The following DPP10 variants were observed in gnomAD, a reference collection of about 807,000 sequenced individuals.
DPP10 encodes inactive dipeptidyl peptidase 10.
DPP10 carries 33 observed loss-of-function variants against 120.9 expected under a neutral mutation model. The ratio of observed to expected loss-of-function variants is 0.27; its 90% CI spans 0.21 to 0.37. DPP10 has a LOEUF of 0.37. DPP10 is among the 10% of genes least tolerant of loss of function. The pLI is 1.00. For missense variants in DPP10, 816 were observed against 942.8 expected (o/e 0.87, Z 1.76); for synonymous variants, 337 against 326.1 (o/e 1.03, Z -0.36).
At chr2:114,909,264 G>A (rs539110669) in intron 1 of DPP10, among the ~76,000 whole-genome samples, 1 of 151,854 alleles carries the variant, frequency 6.6e-6, no homozygotes, top group Non-Finnish European at 1.5e-5. Flanking sequence ...AGTACCTATT[G>A]CATTTCTGAT....
Position 115,814,854 on chromosome 2 carries a change from C to T in DPP10, c.1762C>T (p.Leu588Phe). Residue 588 changes from leucine to phenylalanine, a missense_variant, in exon 20 of 26, where the codon CTC becomes TTC. Transcript: ENST00000410059. ...DKFHIDWDSV[L>F]IDMDNVIVAR... ...GTTCCATATTGACTGGGATTCCGTACTCATTGACATGGATAATGTCATTGT... is the reference window on the plus strand; with the variant it reads ...GTTCCATATTGACTGGGATTCCGTATTCATTGACATGGATAATGTCATTGT... The T allele has an allele frequency of 6.2e-7, 1 of 1,606,092 alleles. No homozygotes were observed. Among genetic ancestry groups the T allele is most frequent in the Non-Finnish European group, 8.5e-7 (1 of 1,174,420 alleles).
chr2:115,004,308 A>T (rs1701653013), intron 1 of DPP10, among the ~76,000 whole-genome samples: 1 of 152,244 alleles, frequency 6.6e-6, no homozygotes. Flanking sequence ...AATAGCTAGA[A>T]GAAAATAATT....
At chr2:114,638,102 T>C (rs1695431573) in intron 1 of DPP10, among the ~76,000 whole-genome samples, 1 of 151,898 alleles carries the variant, frequency 6.6e-6, no homozygotes, top group Non-Finnish European at 1.5e-5. Flanking sequence ...AATATTCTTC[T>C]AATCAATGAG....
At chr2:115,379,610 G>A (rs868519864) in intron 3 of DPP10, among the ~76,000 whole-genome samples, 13 of 151,930 alleles carry the variant, frequency 8.6e-5, no homozygotes, top group Middle Eastern at 3.2e-3. Flanking sequence ...GAATGTGTTT[G>A]CTCTTGCTTT....
chr2:114,537,994 G>C (rs998074585), intron 1 of DPP10, among the ~76,000 whole-genome samples: 1 of 152,160 alleles, frequency 6.6e-6, no homozygotes, highest in Non-Finnish European at 1.5e-5. Flanking sequence ...AGGCCAACTG[G>C]GAAATCCCTT....
intron 2 of DPP10, among the ~76,000 whole-genome samples, chr2:115,314,070 A>G (rs2061687366): frequency 6.6e-6 from 1 of 152,210 alleles, no homozygotes; most frequent in Non-Finnish European, 1.5e-5. Flanking sequence ...TACATTTAAT[A>G]TGTAGAATGA....
At chr2:114,639,765 A>T (rs951760088) in intron 1 of DPP10, among the ~76,000 whole-genome samples, 40 of 152,090 alleles carry the variant, frequency 2.6e-4, no homozygotes, top group African/African-American at 9.4e-4. Flanking sequence ...GATACTAGAC[A>T]ATTTATTTTT....
chr2:114,795,514 A>G (rs1683631745), intron 1 of DPP10, among the ~76,000 whole-genome samples: 1 of 151,468 alleles, frequency 6.6e-6, no homozygotes, highest in Non-Finnish European at 1.5e-5. Flanking sequence ...AAAAAAGGCT[A>G]GTGCTCTCAA....
rs112251700 is a variant in DPP10, at chr2:114,847,501, C to T, written c.60+404663C>T. ...CATTCTTAAGCATCTTATCCATCTCCGTACTTCCAACTCTTGTAACAGTGC... is the reference window on the plus strand; with the variant it reads ...CATTCTTAAGCATCTTATCCATCTCTGTACTTCCAACTCTTGTAACAGTGC... On this transcript the variant is annotated intron_variant, in intron 1 of 25. Coordinates refer to ENST00000410059, the MANE Select transcript of DPP10 (RefSeq NM_020868.6). Among the ~76,000 whole-genome samples, 643 of 152,264 alleles carry T rather than the reference C, an allele frequency of 4.2e-3. 5 individuals carry two copies. Among genetic ancestry groups the T allele is most frequent in the African/African-American group, 0.015 (611 of 41,574 alleles).
At chr2:114,513,486 A>T (rs984936030) in intron 1 of DPP10, among the ~76,000 whole-genome samples, 21 of 143,188 alleles carry the variant, frequency 1.5e-4, no homozygotes, top group African/African-American at 5.3e-4. Context: ...GCACCACTGC[A>T]CTCCAGCCTG....
At chr2:115,363,957 A>G (rs910748972) in intron 3 of DPP10, among the ~76,000 whole-genome samples, 5 of 152,058 alleles carry the variant, frequency 3.3e-5, no homozygotes, top group Admixed American at 6.6e-5. Context: ...AGAGCTCGGT[A>G]ACTTCCCTAG....
At chr2:115,605,374 G>T (rs1469833328) in intron 5 of DPP10, among the ~76,000 whole-genome samples, 1 of 151,960 alleles carries the variant, frequency 6.6e-6, no homozygotes, top group African/African-American at 2.4e-5. Context: ...ATCACCCCAG[G>T]CTATCTCTGT....
Position 114,664,960 on chromosome 2 carries a change from T to C in DPP10, c.60+222122T>C, listed in dbSNP as rs76275508. Among the ~76,000 whole-genome samples, 474 of 107,622 alleles carry C rather than the reference T, an allele frequency of 4.4e-3. 10 individuals carry two copies. Among genetic ancestry groups the C allele is most frequent in the African/African-American group, 0.026 (367 of 13,968 alleles). The allele number at this position is 107,622 out of a possible 152,430, so 70.6% of individuals were successfully genotyped here. The stretch of plus-strand genomic sequence containing the variant: ...GGCACAGAGCATCCAAAAGATGGCA[T>C]AGAGCATCCAAAAGATGGCAGAGAG... On this transcript the variant is annotated intron_variant, in intron 1 of 25. Transcript: ENST00000410059.
intron 21 of DPP10, among the ~76,000 whole-genome samples, chr2:115,834,925 A>G (rs1575942794): frequency 6.6e-6 from 1 of 152,152 alleles, no homozygotes; most frequent in Non-Finnish European, 1.5e-5. Context: ...CTCTACTAAA[A>G]ATACAAAAAA....
chr2:115,380,283 A>T (rs2066206068), intron 3 of DPP10, among the ~76,000 whole-genome samples: 2 of 152,168 alleles, frequency 1.3e-5, no homozygotes, highest in Admixed American at 1.3e-4. Flanking sequence ...TTCTTGTTGA[A>T]TTGATCCCTT....
At chr2:115,125,554 A>G (rs1356067676) in intron 1 of DPP10, among the ~76,000 whole-genome samples, 1 of 150,458 alleles carries the variant, frequency 6.6e-6, no homozygotes, top group Non-Finnish European at 1.5e-5. Flanking sequence ...CCTAAGTTCA[A>G]TAGATCATAA....
At chr2:115,307,504 A>G (rs2061406829) in intron 1 of DPP10, among the ~76,000 whole-genome samples, 1 of 152,110 alleles carries the variant, frequency 6.6e-6, no homozygotes, top group Non-Finnish European at 1.5e-5. Context: ...TAAATAGGAA[A>G]GTATTTATGG....
chr2:115,258,696 C>T (rs551020031), intron 1 of DPP10, among the ~76,000 whole-genome samples: 4 of 151,996 alleles, frequency 2.6e-5, no homozygotes, highest in Non-Finnish European at 5.9e-5. Context: ...TCACTTGAGG[C>T]CAGGAGCTTG....
chr2:115,228,033 C>G (rs2057528731), intron 1 of DPP10, among the ~76,000 whole-genome samples: 1 of 151,598 alleles, frequency 6.6e-6, no homozygotes. Flanking sequence ...ACCAATTCTC[C>G]TGCTACGGCC....
Sources: gnomAD v4.1 joint callset for allele counts (sites outside exome capture counted in the v4.1 genomes callset) on GRCh38, gnomAD v4.1.1 for gene constraint, MANE v1.5 for transcripts, NCBI Gene and HGNC (gene_info 2026-07-23, HGNC 2026-07-21) for gene names.